ITPR3: variants seen among roughly 807,000 people sequenced by gnomAD.
The protein encoded by ITPR3 is inositol 1,4,5-trisphosphate receptor type 3.
A neutral mutation model predicts 293.2 loss-of-function variants in ITPR3; 173 were observed. The ratio of observed to expected loss-of-function variants is 0.59; its 90% confidence interval spans 0.52 to 0.67. The LOEUF is 0.67. Ranked by LOEUF, ITPR3 falls within the 30% of genes least tolerant of loss-of-function variation. The probability of loss-of-function intolerance (pLI) is 0.00; values close to 1 mark genes in which losing one functional copy is unlikely to be tolerated. For missense variants in ITPR3, 2,796 were observed against 3,592.1 expected (o/e 0.78, Z 5.66); for synonymous variants, 1,295 against 1,444.4 (o/e 0.90, Z 2.35).
Position 33,679,444 on chromosome 6 carries a change from C to G in ITPR3, c.3973-438C>G, listed in dbSNP as rs1765007672. 6.6e-6 allele frequency among the ~76,000 whole-genome samples: 1 copy of G among 152,204 alleles called. No individual in the cohort carries two copies. The highest frequency in any genetic ancestry group is 2.1e-4 in the South Asian group (1 of 4,832). The stretch of plus-strand genomic sequence containing the variant: ...GACATCATAAACAAGACATGATGTG[C>G]TGGAACTGCTGTACAGTGTTAGTTT... On this transcript the variant is annotated intron_variant, in intron 30 of 57. Transcript: ENST00000605930. The surrounding 1 kb of genome is among the most constrained non-coding windows in gnomAD (Gnocchi z 4.2).
intron 28 of ITPR3, 132 bp from the exon 29 acceptor site, chr6:33,678,289 T>C: frequency 6.2e-6 from 8 of 1,287,666 alleles, no homozygotes; most frequent in South Asian, 1.4e-5. Flanking sequence ...GGGGCCCCAC[T>C]TTCCCTTTAC....
intron 20 of ITPR3, 29 bp from the exon 21 acceptor site, chr6:33,671,136 A>T: frequency 6.2e-7 from 1 of 1,610,856 alleles, no homozygotes; most frequent in Non-Finnish European, 8.5e-7. Context: ...GGCCCCTCCC[A>T]CCTCACCTCG....
chr6:33,671,059 G>A, intron 20 of ITPR3, 106 bp from the exon 21 acceptor site: 12 of 1,539,080 alleles, frequency 7.8e-6, no homozygotes, highest in Non-Finnish European at 1.1e-5. Flanking sequence ...CCGTCCTCAT[G>A]ACGCCCCTTT....
Position 33,658,143 on chromosome 6 carries a change from C to T in ITPR3, c.369+125C>T. On this transcript the variant is annotated intron_variant, in intron 4 of 57. Transcript: ENST00000605930. This position sits in a 1 kb window ranked among gnomAD's most constrained non-coding sequence, Gnocchi z 6.1. ...TGTGTGTCCCCGGGTGAATGAGTGGCCCTGGGGCCACCTGTGTGGCTGTGC... is the reference window on the plus strand; with the variant it reads ...TGTGTGTCCCCGGGTGAATGAGTGGTCCTGGGGCCACCTGTGTGGCTGTGC... 1.3e-6 allele frequency: 1 copy of T among 784,882 alleles called. No homozygotes were observed. The highest frequency in any genetic ancestry group is 1.5e-5 in the South Asian group (1 of 66,092). The allele number at this position is 784,882 out of a possible 1,614,324, so 48.6% of individuals were successfully genotyped here. A position where few individuals can be genotyped will look rare whatever the true frequency, so the allele number is the denominator to read the frequency against.
chr6:33,642,743 G>T (rs1284796274), intron 2 of ITPR3, among the ~76,000 whole-genome samples: 4 of 152,078 alleles, frequency 2.6e-5, no homozygotes, highest in African/African-American at 9.7e-5. Context: ...CCCACCCCAG[G>T]ATACCTGGGC....
At position 33,685,453 on chromosome 6, in the gene ITPR3, A is replaced by T; in HGVS notation, c.5402A>T (p.Lys1801Met). 2 of 1,614,100 alleles carry T rather than the reference A, an allele frequency of 1.2e-6. No homozygotes were observed. Among genetic ancestry groups the T allele is most frequent in the Non-Finnish European group, 1.7e-6 (2 of 1,180,006 alleles). ...ATGAAGCGGGCCCAGCAGGAGACCA[A>T]GTCCACGGTGGCAGTCAACATGAAT... ...DRMKRAQQET[K>M]STVAVNMNDL... Residue 1801 changes from lysine to methionine, a missense_variant, in exon 40 of 58, where the codon AAG becomes ATG. Physicochemically the swap from Lys to Met is moderately conservative, Grantham distance 95 (BLOSUM62 -1). Coordinates refer to ENST00000605930, the MANE Select transcript of ITPR3 (RefSeq NM_002224.4).
Position 33,690,983 on chromosome 6 carries a change from C to A in ITPR3, c.7099C>A (p.Arg2367Ser). The A allele has an allele frequency of 6.2e-7, 1 of 1,614,184 alleles. No homozygotes were observed. Among genetic ancestry groups the A allele is most frequent in the South Asian group, 1.1e-5 (1 of 91,072 alleles). The change falls in exon 52 of 58, where the codon CGC (arginine) becomes AGC (serine). Residue 2367 changes from arginine to serine, a missense_variant. Coordinates refer to ENST00000605930, the MANE Select transcript of ITPR3 (RefSeq NM_002224.4). ...NVIKSVTRNGRSILLTALLAL... is the reference protein window; with the variant it reads ...NVIKSVTRNGSSILLTALLAL... ...CATCAAGAGTGTGACCCGCAATGGC[C>A]GCTCCATCCTGCTGACAGCCCTGCT...
chr6:33,652,805 G>A (rs1052791895), intron 2 of ITPR3, among the ~76,000 whole-genome samples: 49 of 152,150 alleles, frequency 3.2e-4, no homozygotes, highest in African/African-American at 7.2e-5. Context: ...TGGCGGTCTA[G>A]AGCCAGGGTC....
intron 21 of ITPR3, among the ~76,000 whole-genome samples, chr6:33,671,689 G>T (rs1250973831): frequency 2.0e-5 from 3 of 152,202 alleles, no homozygotes; most frequent in Admixed American, 6.5e-5. Context: ...AACAAAAGGT[G>T]CCTAGAGCCT....
chr6:33,688,591 A>C, intron 48 of ITPR3, 65 bp from the exon 49 acceptor site: 1 of 1,600,726 alleles, frequency 6.2e-7, no homozygotes, highest in South Asian at 1.1e-5. Flanking sequence ...GCGGGGCCCC[A>C]CATGCAAGGG....
Position 33,691,183 on chromosome 6 carries a change from C to A in ITPR3, c.7225+74C>A, listed in dbSNP as rs1011861897. ...TCTCACAAATGTCTGGCGTCAGGACCAGGACCTGCAGCGCTTACCTCACCA... is the reference window on the plus strand; with the variant it reads ...TCTCACAAATGTCTGGCGTCAGGACAAGGACCTGCAGCGCTTACCTCACCA... On this transcript the variant is annotated intron_variant, in intron 52 of 57. Transcript: ENST00000605930. This position sits in a 1 kb window ranked among gnomAD's most constrained non-coding sequence, Gnocchi z 4.9. 4.2e-6 allele frequency: 6 copies of A among 1,439,722 alleles called. No individual in the cohort carries two copies. In the Admixed American group the frequency reaches 8.7e-5, roughly 21 times the overall value. 89.2% of individuals were successfully genotyped at this position (1,439,722 alleles called of 1,614,324 possible).
At chr6:33,656,233 C>T (rs1764303007) in intron 3 of ITPR3, among the ~76,000 whole-genome samples, 1 of 152,184 alleles carries the variant, frequency 6.6e-6, no homozygotes, top group African/African-American at 2.4e-5. Flanking sequence ...AGGATCCCTT[C>T]CCAGTGACCC....
rs979748298 is a variant in ITPR3, at chr6:33,683,952, C to T, written c.4789-68C>T. The stretch of plus-strand genomic sequence containing the variant: ...CTGTGGGGCTGTTTGGCGTTTGGGT[C>T]GGAGGAATGGCAGTCACACCCGGGT... On this transcript the variant is annotated intron_variant, in intron 35 of 57. Transcript: ENST00000605930. The surrounding 1 kb of genome is among the most constrained non-coding windows in gnomAD (Gnocchi z 4.5). The T allele has an allele frequency of 5.5e-5, 84 of 1,523,766 alleles. No individual in the cohort carries two copies. The highest frequency in any genetic ancestry group is 6.9e-5 in the Non-Finnish European group (78 of 1,133,388). 94.4% of individuals were successfully genotyped at this position (1,523,766 alleles called of 1,614,324 possible).
intron 1 of ITPR3, among the ~76,000 whole-genome samples, chr6:33,623,822 G>T (rs886414850): frequency 5.3e-5 from 8 of 152,120 alleles, no homozygotes; most frequent in African/African-American, 1.9e-4. Context: ...GCCCTTCTAC[G>T]CCGGGGTACC....
rs1288522415 is a variant in ITPR3, at chr6:33,666,929, G to A, written c.1552-200G>A. Among the ~76,000 whole-genome samples, 1 of 152,106 alleles carries A rather than the reference G, an allele frequency of 6.6e-6. No individual in the cohort carries two copies. ...GGAGGGATAGGCTGGGGTCAGCTTC[G>A]GGATTCCAACAAGGAGTAGGGAGAG... is the stretch of plus-strand genomic sequence containing the variant. On this transcript the variant is annotated intron_variant, in intron 14 of 57. Transcript: ENST00000605930. This position sits in a 1 kb window ranked among gnomAD's most constrained non-coding sequence, Gnocchi z 5.1.
chr6:33,685,047 A>G, intron 39 of ITPR3, 104 bp downstream of exon 39: 2 of 1,328,416 alleles, frequency 1.5e-6, no homozygotes, highest in Non-Finnish European at 2.1e-6. Flanking sequence ...GGTGTGAAAG[A>G]GGAGAGGCCT....
intron 33 of ITPR3, 105 bp downstream of exon 33, chr6:33,680,785 G>C: frequency 8.0e-7 from 1 of 1,251,674 alleles, no homozygotes; most frequent in Non-Finnish European, 1.1e-6. Context: ...AGTACAGAAA[G>C]AAGTAACAAA....
Position 33,666,090 on chromosome 6 carries a change from C to A in ITPR3, c.1551+114C>A. 8.0e-7 allele frequency: 1 copy of A among 1,252,010 alleles called. No individual in the cohort carries two copies. Among genetic ancestry groups the A allele is most frequent in the Non-Finnish European group, 1.1e-6 (1 of 916,044 alleles). 77.6% of individuals were successfully genotyped at this position (1,252,010 alleles called of 1,614,324 possible). A position where few individuals can be genotyped will look rare whatever the true frequency, so the allele number is the denominator to read the frequency against. On this transcript the variant is annotated intron_variant, in intron 14 of 57. Coordinates refer to ENST00000605930, the MANE Select transcript of ITPR3 (RefSeq NM_002224.4). This position sits in a 1 kb window ranked among gnomAD's most constrained non-coding sequence, Gnocchi z 5.1. ...AAAATCAGTATATATGGGGCACGAC[C>A]ACGTGCCAGGGACTTCCCTAAGTAC...
chr6:33,627,312 A>G (rs985315033), intron 1 of ITPR3, among the ~76,000 whole-genome samples: 1 of 152,252 alleles, frequency 6.6e-6, no homozygotes, highest in African/African-American at 2.4e-5. Context: ...TATGGCTTAC[A>G]TGAACATTCC....
Sources: gnomAD v4.1 joint callset for allele counts (sites outside exome capture counted in the v4.1 genomes callset) on GRCh38, gnomAD v4.1.1 for gene constraint, Gnocchi (gnomAD v3.1) non-coding constraint, MANE v1.5 for transcripts, NCBI Gene and HGNC (gene_info 2026-07-23, HGNC 2026-07-21) for gene names.